The following GALNT16 variants were observed in gnomAD, a reference collection of about 807,000 sequenced individuals.
GALNT16 encodes UDP-GalNAc:polypeptide N-acetylgalactosaminyltransferase-like protein 1.
A neutral mutation model predicts 76.1 loss-of-function variants in GALNT16; 40 were observed. The observed-to-expected ratio is 0.53, with a 90% confidence interval of 0.41 to 0.68. The LOEUF (loss-of-function observed/expected upper bound fraction) is 0.68. Ranked by LOEUF, GALNT16 falls within the 30% of genes least tolerant of loss-of-function variation. GALNT16 has a pLI of 0.00. For missense variants in GALNT16, 621 were observed against 731.9 expected (o/e 0.85, Z 1.75); for synonymous variants, 276 against 285.2 (o/e 0.97, Z 0.32).
At chr14:69,372,422 G>C in the GALNT16 span, among the ~76,000 whole-genome samples, 1 of 151,274 alleles carries the variant, frequency 6.6e-6, no homozygotes, top group Non-Finnish European at 1.5e-5. Flanking sequence ...GTAGTATTCA[G>C]AGATGCTCAC....
intron 1 of GALNT16, among the ~76,000 whole-genome samples, chr14:69,263,687 C>T (rs920914355): frequency 6.6e-6 from 1 of 152,242 alleles, no homozygotes; most frequent in Non-Finnish European, 1.5e-5. Context: ...TTTGGCATTA[C>T]AGGGTGTCGG....
At chr14:69,334,716 G>A (rs1054801779) in intron 9 of GALNT16, among the ~76,000 whole-genome samples, 1 of 152,134 alleles carries the variant, frequency 6.6e-6, no homozygotes, top group Admixed American at 6.5e-5. Context: ...GAGTGTCAGG[G>A]CTAAACACTC....
intron 1 of GALNT16, among the ~76,000 whole-genome samples, chr14:69,280,252 T>A (rs988097776): frequency 1.1e-4 from 16 of 152,238 alleles, no homozygotes; most frequent in Admixed American, 3.9e-4. Context: ...TCTCTATGAC[T>A]GTGACTACTC....
At chr14:69,323,053 C>T (rs560466479) in intron 2 of GALNT16, among the ~76,000 whole-genome samples, 2 of 150,570 alleles carry the variant, frequency 1.3e-5, no homozygotes, top group East Asian at 4.0e-4. Context: ...GGGCAGGCCT[C>T]CTGCCATGGT....
At chr14:69,268,956 G>A (rs140979820) in intron 1 of GALNT16, among the ~76,000 whole-genome samples, 2 of 152,306 alleles carry the variant, frequency 1.3e-5, no homozygotes, top group Non-Finnish European at 2.9e-5. Context: ...GGCCAGACAC[G>A]TTAGGCCTTG....
the GALNT16 span, among the ~76,000 whole-genome samples, chr14:69,383,986 A>AT: frequency 6.3e-4 from 95 of 150,460 alleles, no homozygotes; most frequent in African/African-American, 2.1e-3. Context: ...TGTCTCTAAA[A>AT]TTTTTTTTTT....
At chr14:69,346,996 C>G in intron 12 of GALNT16, 44 bp from the exon 13 acceptor site, 3 of 1,613,170 alleles carry the variant, frequency 1.9e-6, no homozygotes, top group Non-Finnish European at 2.5e-6. Flanking sequence ...GTAGGTAAGC[C>G]TTGGGGGGGA....
chr14:69,365,534 A>C, the GALNT16 span, among the ~76,000 whole-genome samples: 1 of 152,234 alleles, frequency 6.6e-6, no homozygotes, highest in African/African-American at 2.4e-5. Flanking sequence ...CAGAAAACCA[A>C]ATACCACAAG....
chr14:69,297,050 GAC>G (rs1178308180), intron 1 of GALNT16, among the ~76,000 whole-genome samples: 1 of 152,190 alleles, frequency 6.6e-6, no homozygotes, highest in Non-Finnish European at 1.5e-5. Flanking sequence ...CCTACTGATG[GAC>G]ATTTGGATTA....
At chr14:69,386,247 G>A in the GALNT16 span, among the ~76,000 whole-genome samples, 1 of 152,216 alleles carries the variant, frequency 6.6e-6, no homozygotes. Flanking sequence ...GATCCAGGAA[G>A]TGCCTATGAG....
At chr14:69,293,282 C>T (rs143026057) in intron 1 of GALNT16, among the ~76,000 whole-genome samples, 89 of 152,306 alleles carry the variant, frequency 5.8e-4, no homozygotes, top group African/African-American at 1.9e-3. Context: ...GCATTGGCTT[C>T]TTGCTGCACC....
At chr14:69,305,173 T>C (rs1282434027) in intron 1 of GALNT16, among the ~76,000 whole-genome samples, 5 of 150,396 alleles carry the variant, frequency 3.3e-5, no homozygotes, top group African/African-American at 1.2e-4. Context: ...AAGTATCTTT[T>C]TTTTTTTTTT....
intron 1 of GALNT16, among the ~76,000 whole-genome samples, chr14:69,303,973 T>G (rs10498529): frequency 6.6e-6 from 1 of 152,100 alleles, no homozygotes; most frequent in African/African-American, 2.4e-5. Context: ...CATCTTTCCA[T>G]GTTAAAAAAT....
At chr14:69,262,055 A>T (rs186421430) in intron 1 of GALNT16, among the ~76,000 whole-genome samples, 3 of 152,330 alleles carry the variant, frequency 2.0e-5, no homozygotes, top group Non-Finnish European at 1.5e-5. Context: ...TCCAGACCCC[A>T]GGGAGCTTCC....
intron 1 of GALNT16, among the ~76,000 whole-genome samples, chr14:69,305,065 G>A (rs200927860): frequency 6.7e-6 from 1 of 149,750 alleles, no homozygotes; most frequent in Non-Finnish European, 1.5e-5. Flanking sequence ...TAGCAGCTGC[G>A]CCATTTCACA....
chr14:69,320,510 A>G lies in GALNT16; in HGVS notation c.178-201A>G, dbSNP rs569265090. On this transcript the variant is annotated intron_variant, in intron 1 of 14. Transcript: ENST00000448469. Reference sequence around the variant, plus strand: ...GTCAAAAAAAAGAAAAAAAAAAGAAAAAAAGAAAAAAAAAGAAACCCTCTT... The same window carrying G: ...GTCAAAAAAAAGAAAAAAAAAAGAAGAAAAGAAAAAAAAAGAAACCCTCTT... Among the ~76,000 whole-genome samples the G allele has an allele frequency of 3.6e-4, 28 of 77,544 alleles. 1 individual carries two copies. Among genetic ancestry groups the G allele is most frequent in the African/African-American group, 1.2e-3 (27 of 22,546 alleles). 50.9% of individuals were successfully genotyped at this position (77,544 alleles called of 152,430 possible). A position where few individuals can be genotyped will look rare whatever the true frequency, so the allele number is the denominator to read the frequency against.
At chr14:69,338,265 A>G (rs2045437981) in intron 9 of GALNT16, among the ~76,000 whole-genome samples, 1 of 152,218 alleles carries the variant, frequency 6.6e-6, no homozygotes, top group African/African-American at 2.4e-5. Flanking sequence ...TCAGGTGCAC[A>G]GAGCTGGCTG....
intron 1 of GALNT16, among the ~76,000 whole-genome samples, chr14:69,288,420 G>T (rs2044644963): frequency 6.6e-6 from 1 of 152,234 alleles, no homozygotes; most frequent in Non-Finnish European, 1.5e-5. Flanking sequence ...GGTGGTGAAT[G>T]AATTTTAGTG....
At chr14:69,379,252 A>G in the GALNT16 span, among the ~76,000 whole-genome samples, 1 of 152,160 alleles carries the variant, frequency 6.6e-6, no homozygotes, top group Admixed American at 6.5e-5. Flanking sequence ...TTTTAGCTTT[A>G]AAATTTGGTT....
Sources: allele counts gnomAD v4.1 joint callset (sites outside exome capture counted in the v4.1 genomes callset), GRCh38; gene constraint gnomAD v4.1.1; transcripts MANE v1.5; gene names NCBI Gene and HGNC (gene_info 2026-07-23, HGNC 2026-07-21).